The following RBFOX1 variants were observed in gnomAD, a reference collection of about 807,000 sequenced individuals.
The protein encoded by RBFOX1 is RNA binding fox-1 homolog 1.
Under a neutral mutation model 57.7 loss-of-function variants are expected in RBFOX1, and 8 were observed. That is an observed-to-expected ratio of 0.14 (90% confidence interval 0.08 to 0.25). The LOEUF (loss-of-function observed/expected upper bound fraction) is 0.25, where lower values mean the gene tolerates loss of function less well. RBFOX1 is among the 10% of genes least tolerant of loss of function. The pLI, the probability that RBFOX1 is intolerant of heterozygous loss-of-function variation, is 1.00. For missense variants in RBFOX1, 611 were observed against 548.5 expected (o/e 1.11, Z -1.14); for synonymous variants, 326 against 222.4 (o/e 1.47, Z -4.15).
rs1273194904 is a variant in RBFOX1 at position 7,607,329 on chromosome 16, T to A, written c.667T>A (p.Phe223Ile). The stretch of plus-strand genomic sequence containing the variant: ...TGTGGGTGCAGTCTACAGTCCCGAA[T>A]TCTATGCAGGTACAGAGTTTCTCTT... ...PVVGAVYSPEFYAGTVLLCQA... is the reference protein window; with the variant it reads ...PVVGAVYSPEIYAGTVLLCQA... The change falls in exon 10 of 16, where the codon TTC (phenylalanine) becomes ATC (isoleucine). Residue 223 changes from phenylalanine (F) to isoleucine (I), a missense_variant. This residue lies in a region of RBFOX1 where 99 missense variants were observed against 160.3 expected (regional missense o/e 0.62). Coordinates refer to ENST00000550418, the MANE Select transcript of RBFOX1 (RefSeq NM_018723.4). 1.2e-6 allele frequency: 2 copies of A among 1,610,912 alleles called. No individual in the cohort carries two copies.
rs544873599 is a variant in RBFOX1 at position 7,665,110 on chromosome 16, G to C, written c.930+142G>C. On this transcript the variant is annotated intron_variant, in intron 13 of 15. Transcript: ENST00000550418. ...AAATAATTCCGTGGTTTGTCTTGCAGGACAGAAAGCCTTCTGCTCTTGAAC... is the reference window on the plus strand; with the variant it reads ...AAATAATTCCGTGGTTTGTCTTGCACGACAGAAAGCCTTCTGCTCTTGAAC... 9.7e-5 allele frequency: 148 copies of C among 1,521,120 alleles called. No individual in the cohort carries two copies. In the African/African-American group the frequency reaches 1.9e-3, roughly 19 times the overall value. 94.2% of individuals were successfully genotyped at this position (1,521,120 alleles called of 1,614,324 possible).
chr16:6,316,647 C>A lies in RBFOX1; in HGVS notation c.-126-348C>A, dbSNP rs571427763. On this transcript the variant is annotated intron_variant, in intron 1 of 15. Coordinates refer to ENST00000550418, the MANE Select transcript of RBFOX1 (RefSeq NM_018723.4). Reference sequence around the variant, plus strand: ...GAACTCATGGTGTAAGAGAAGAATACAGAAGAGTACTTCCAAGCTTGGTGT... The same window carrying A: ...GAACTCATGGTGTAAGAGAAGAATAAAGAAGAGTACTTCCAAGCTTGGTGT... Among the ~76,000 whole-genome samples, 452 of 152,264 alleles carry A rather than the reference C, an allele frequency of 3.0e-3. 5 individuals are homozygous for A. The highest frequency in any genetic ancestry group is 9.3e-3 in the African/African-American group (386 of 41,556).
At chr16:6,302,832 G>A (rs924417098) in intron 1 of RBFOX1, among the ~76,000 whole-genome samples, 1 of 152,126 alleles carries the variant, frequency 6.6e-6, no homozygotes, top group African/African-American at 2.4e-5. Context: ...GATTCATTTA[G>A]AAAAATATAT....
At chr16:5,712,095 G>T (rs2051508916) in intron 3 of RBFOX1, among the ~76,000 whole-genome samples, 1 of 152,118 alleles carries the variant, frequency 6.6e-6, no homozygotes, top group Non-Finnish European at 1.5e-5. Flanking sequence ...TGAAGGGGGA[G>T]GAGCCCTGTA....
At chr16:7,613,686 C>G (rs1408785730) in intron 10 of RBFOX1, among the ~76,000 whole-genome samples, 1 of 152,032 alleles carries the variant, frequency 6.6e-6, no homozygotes, top group Admixed American at 6.6e-5. Context: ...AGAATTGGGT[C>G]AAAAGAAGGT....
At chr16:6,800,474 G>T (rs1396429280) in intron 3 of RBFOX1, among the ~76,000 whole-genome samples, 2 of 152,190 alleles carry the variant, frequency 1.3e-5, no homozygotes, top group East Asian at 3.9e-4. Flanking sequence ...TAAGTCTCGG[G>T]TGGGGTCGGA....
At chr16:6,919,947 C>T (rs781146747) in intron 3 of RBFOX1, among the ~76,000 whole-genome samples, 2 of 151,980 alleles carry the variant, frequency 1.3e-5, no homozygotes, top group African/African-American at 4.8e-5. Flanking sequence ...CCACTTTTCC[C>T]CTCTGAGTCC....
intron 1 of RBFOX1, among the ~76,000 whole-genome samples, chr16:6,193,416 AT>A (rs2097159577): frequency 8.1e-6 from 1 of 123,390 alleles, no homozygotes; most frequent in African/African-American, 2.9e-5. Context: ...ATATATATAT[AT>A]ATATATATAA....
At chr16:6,221,596 C>T (rs75102273) in intron 1 of RBFOX1, among the ~76,000 whole-genome samples, 9 of 152,184 alleles carry the variant, frequency 5.9e-5, no homozygotes, top group Non-Finnish European at 1.2e-4. Flanking sequence ...TTAGTCCATT[C>T]TTATACTGCT....
intron 4 of RBFOX1, among the ~76,000 whole-genome samples, chr16:7,094,219 C>A (rs1277800539): frequency 6.6e-6 from 1 of 151,920 alleles, no homozygotes; most frequent in Admixed American, 6.6e-5. Flanking sequence ...AGTTTCTGTG[C>A]AAACTTGTGT....
At chr16:6,167,771 G>A (rs1366392694) in intron 1 of RBFOX1, among the ~76,000 whole-genome samples, 3 of 152,108 alleles carry the variant, frequency 2.0e-5, no homozygotes, top group South Asian at 2.1e-4. Context: ...CCTCAGAGTG[G>A]GCATTGTTCC....
At chr16:6,363,856 A>T (rs573879325) in intron 2 of RBFOX1, among the ~76,000 whole-genome samples, 1 of 152,336 alleles carries the variant, frequency 6.6e-6, no homozygotes, top group African/African-American at 2.4e-5. Context: ...TTGGCCTAGG[A>T]AATGAAAGAG....
intron 6 of RBFOX1, among the ~76,000 whole-genome samples, chr16:7,581,918 T>A (rs1391469295): frequency 1.3e-5 from 2 of 151,996 alleles, no homozygotes; most frequent in African/African-American, 4.8e-5. Context: ...GGTCTCAATT[T>A]GTTGTCCAGG....
Position 6,693,982 on chromosome 16 carries a change from A to C in RBFOX1, c.-16+39332A>C, listed in dbSNP as rs557211902. On this transcript the variant is annotated intron_variant, in intron 3 of 15. Coordinates refer to ENST00000550418, the MANE Select transcript of RBFOX1 (RefSeq NM_018723.4). ...ATTTTACAGATGACAAAACCAAGGT[A>C]ACTATAAAGATTACTTTGTTACAAG... Among the ~76,000 whole-genome samples the C allele has an allele frequency of 6.6e-5, 10 of 152,380 alleles. No individual in the cohort carries two copies. The South Asian group carries it at 2.1e-3, about 32-fold the overall frequency.
chr16:5,511,285 G>A (rs1159896517), intron 2 of RBFOX1, among the ~76,000 whole-genome samples: 1 of 152,190 alleles, frequency 6.6e-6, no homozygotes, highest in Non-Finnish European at 1.5e-5. Flanking sequence ...CTGGTTTGAG[G>A]TCTTTTCAAA....
At chr16:6,896,313 C>G (rs1011916944) in intron 3 of RBFOX1, among the ~76,000 whole-genome samples, 2 of 152,184 alleles carry the variant, frequency 1.3e-5, no homozygotes, top group African/African-American at 4.8e-5. Flanking sequence ...TCCAAGTACA[C>G]TCTTTTAGTT....
intron 2 of RBFOX1, among the ~76,000 whole-genome samples, chr16:6,412,219 G>A (rs1262718221): frequency 2.6e-5 from 4 of 151,412 alleles, no homozygotes; most frequent in African/African-American, 7.3e-5. Flanking sequence ...CATATTATAC[G>A]AGTTAGAAAC....
At chr16:5,648,358 G>A (rs966746100) in intron 3 of RBFOX1, among the ~76,000 whole-genome samples, 9 of 152,244 alleles carry the variant, frequency 5.9e-5, no homozygotes, top group African/African-American at 2.2e-4. Context: ...GCATGCGAGT[G>A]TGATCAGAAG....
At chr16:6,592,276 A>G (rs1230356644) in intron 2 of RBFOX1, among the ~76,000 whole-genome samples, 2 of 152,202 alleles carry the variant, frequency 1.3e-5, no homozygotes, top group Non-Finnish European at 2.9e-5. Context: ...TGGACATTGC[A>G]TACATATTAA....
Sources: gnomAD v4.1 joint callset for allele counts (sites outside exome capture counted in the v4.1 genomes callset) on GRCh38, gnomAD v4.1.1 for gene constraint, gnomAD v4.1.1 regional missense constraint, MANE v1.5 for transcripts, NCBI Gene and HGNC (gene_info 2026-07-23, HGNC 2026-07-21) for gene names.